Variants in CDH12 observed in about 807,000 individuals in gnomAD.
The protein encoded by CDH12 is cadherin-12.
Under a neutral mutation model 74.1 loss-of-function variants are expected in CDH12, and 41 were observed. The ratio of observed to expected loss-of-function variants is 0.55; its 90% CI spans 0.43 to 0.72. The LOEUF is 0.72. CDH12 is among the 30% of genes least tolerant of loss of function. The pLI is 0.00. For synonymous variants in CDH12, 399 were observed against 355.0 expected (o/e 1.12, Z -1.39); for missense variants, 945 against 977.2 (o/e 0.97, Z 0.44).
At chr5:21,962,872 C>T (rs530852864) in intron 6 of CDH12, among the ~76,000 whole-genome samples, 19 of 152,262 alleles carry the variant, frequency 1.2e-4, no homozygotes, top group African/African-American at 4.6e-4. Flanking sequence ...TGTCCTGTTA[C>T]TACTGATATC....
chr5:22,291,881 C>G (rs1263302872), intron 3 of CDH12, among the ~76,000 whole-genome samples: 2 of 151,968 alleles, frequency 1.3e-5, no homozygotes, highest in Admixed American at 1.3e-4. Flanking sequence ...TCATAAAAGA[C>G]CCCAAATAGC....
intron 1 of CDH12, among the ~76,000 whole-genome samples, chr5:22,755,614 G>A (rs1199282836): frequency 6.6e-6 from 1 of 151,974 alleles, no homozygotes; most frequent in Non-Finnish European, 1.5e-5. Context: ...AATTGCTTTT[G>A]TTAGAAAAAA....
intron 1 of CDH12, among the ~76,000 whole-genome samples, chr5:22,619,346 T>C (rs1360526793): frequency 6.6e-5 from 10 of 152,120 alleles, no homozygotes; most frequent in Non-Finnish European, 1.5e-4. Context: ...CACAGCAAGT[T>C]CTGTTACTTT....
chr5:21,898,457 C>A (rs1428794533), intron 6 of CDH12, among the ~76,000 whole-genome samples: 1 of 152,082 alleles, frequency 6.6e-6, no homozygotes, highest in Non-Finnish European at 1.5e-5. Flanking sequence ...AATCCCAGCA[C>A]TTTGGGAGGC....
At chr5:22,692,470 C>A (rs1742132644) in intron 1 of CDH12, among the ~76,000 whole-genome samples, 1 of 151,702 alleles carries the variant, frequency 6.6e-6, no homozygotes, top group Admixed American at 6.6e-5. Flanking sequence ...TCAATGATTA[C>A]CACCATGGTG....
At chr5:22,477,808 C>T (rs1746227136) in intron 2 of CDH12, among the ~76,000 whole-genome samples, 1 of 152,188 alleles carries the variant, frequency 6.6e-6, no homozygotes, top group Non-Finnish European at 1.5e-5. Context: ...ACTCTTTCAC[C>T]TACACTGATT....
At chr5:22,576,002 A>T (rs1485321694) in intron 1 of CDH12, among the ~76,000 whole-genome samples, 6 of 151,858 alleles carry the variant, frequency 4.0e-5, no homozygotes, top group Non-Finnish European at 8.8e-5. Context: ...GGACATGACC[A>T]CCGCATGAGC....
chr5:22,585,218 A>G (rs1356825238), intron 1 of CDH12, among the ~76,000 whole-genome samples: 3 of 152,166 alleles, frequency 2.0e-5, no homozygotes, highest in African/African-American at 7.2e-5. Context: ...CACCCTGCCT[A>G]TTTAATTCCA....
intron 1 of CDH12, among the ~76,000 whole-genome samples, chr5:22,619,731 C>CAA (rs5866580): frequency 1.9e-3 from 263 of 141,896 alleles, no homozygotes; most frequent in Middle Eastern, 7.3e-3. Flanking sequence ...ATTTTCTAAA[C>CAA]AAAAAAAAAA....
chr5:21,823,315 C>T (rs998006596), intron 8 of CDH12, among the ~76,000 whole-genome samples: 7 of 152,016 alleles, frequency 4.6e-5, no homozygotes, highest in African/African-American at 1.7e-4. Context: ...CAGAAGTAAC[C>T]ATATGACAAA....
chr5:21,945,709 A>G (rs1459749299), intron 6 of CDH12, among the ~76,000 whole-genome samples: 1 of 151,824 alleles, frequency 6.6e-6, no homozygotes, highest in Non-Finnish European at 1.5e-5. Context: ...ATCTGAAAAC[A>G]TGCCAACAGA....
At chr5:22,223,439 G>T (rs1752086370) in intron 3 of CDH12, among the ~76,000 whole-genome samples, 1 of 152,016 alleles carries the variant, frequency 6.6e-6, no homozygotes, top group Non-Finnish European at 1.5e-5. Context: ...AGGAATTTTT[G>T]CTGGTTTGGT....
chr5:21,980,116 C>G (rs1757243236), intron 5 of CDH12, among the ~76,000 whole-genome samples: 1 of 150,170 alleles, frequency 6.7e-6, no homozygotes, highest in East Asian at 2.0e-4. Context: ...TGTCCTTCGC[C>G]CACTTCATGT....
chr5:22,533,383 T>C (rs546148513), intron 1 of CDH12, among the ~76,000 whole-genome samples: 1 of 152,310 alleles, frequency 6.6e-6, no homozygotes, highest in African/African-American at 2.4e-5. Context: ...ACTGTTGTCA[T>C]AATATAACAA....
intron 2 of CDH12, among the ~76,000 whole-genome samples, chr5:22,425,172 A>AAATAT (rs1743866934): frequency 0.011 from 898 of 83,448 alleles, 12 homozygotes; most frequent in African/African-American, 0.038. Context: ...TATATATATA[A>AAATAT]ATATATATAT....
At chr5:22,138,591 G>A (rs1159580495) in intron 4 of CDH12, among the ~76,000 whole-genome samples, 1 of 150,274 alleles carries the variant, frequency 6.7e-6, no homozygotes, top group Non-Finnish European at 1.5e-5. Flanking sequence ...TGAATTTGAT[G>A]GAAGCATTTT....
intron 2 of CDH12, among the ~76,000 whole-genome samples, chr5:22,477,811 C>A (rs988372767): frequency 6.6e-6 from 1 of 152,188 alleles, no homozygotes; most frequent in Non-Finnish European, 1.5e-5. Context: ...CTTTCACCTA[C>A]ACTGATTACA....
intron 3 of CDH12, among the ~76,000 whole-genome samples, chr5:22,397,836 T>A (rs1742529260): frequency 6.6e-6 from 1 of 152,062 alleles, no homozygotes; most frequent in South Asian, 2.1e-4. Context: ...ATATGATTGA[T>A]GCCCTTATAA....
At chr5:21,945,458 A>G (rs1036423179) in intron 6 of CDH12, among the ~76,000 whole-genome samples, 1 of 140,602 alleles carries the variant, frequency 7.1e-6, no homozygotes, top group South Asian at 2.1e-4. Context: ...AAAAAAAAAA[A>G]GAGGTTGGAA....
Sources: allele counts gnomAD v4.1 joint callset (sites outside exome capture counted in the v4.1 genomes callset), GRCh38; gene constraint gnomAD v4.1.1; transcripts MANE v1.5; gene names NCBI Gene and HGNC (gene_info 2026-07-23, HGNC 2026-07-21).